Variants in NAALADL2 observed in about 807,000 individuals in gnomAD.
NAALADL2 encodes N-acetylated alpha-linked acidic dipeptidase like 2.
Under a neutral mutation model 87.2 loss-of-function variants are expected in NAALADL2, and 76 were observed. The observed-to-expected ratio is 0.87, with a 90% CI of 0.72 to 1.05. The LOEUF is 1.05. Among genes scored for constraint, NAALADL2 ranks in the 50% least tolerant of loss-of-function variants. The pLI is 0.00. For missense variants in NAALADL2, 1,089 were observed against 945.8 expected, an observed-to-expected ratio of 1.15 and a Z score of -1.99; for synonymous variants, 354 against 331.0, an observed-to-expected ratio of 1.07 and a Z score of -0.75.
intron 1 of NAALADL2, among the ~76,000 whole-genome samples, chr3:174,544,491 C>CAAAT (rs1381775638): frequency 2.6e-5 from 4 of 151,344 alleles, no homozygotes; most frequent in African/African-American, 9.7e-5. Context: ...TATTTGCTCC[C>CAAAT]AAATGTTCCA....
At chr3:175,119,200 TAATA>T (rs1353951884) in intron 2 of NAALADL2, among the ~76,000 whole-genome samples, 1 of 151,506 alleles carries the variant, frequency 6.6e-6, no homozygotes, top group Admixed American at 6.6e-5. Flanking sequence ...GGATGAGAAA[TAATA>T]AATAATAATA....
intron 2 of NAALADL2, among the ~76,000 whole-genome samples, chr3:174,686,659 T>G (rs1436992048): frequency 6.6e-6 from 1 of 152,086 alleles, no homozygotes; most frequent in Non-Finnish European, 1.5e-5. Context: ...CTATGTGATC[T>G]TCGACAAACT....
At chr3:174,523,639 C>T (rs933365492) in intron 1 of NAALADL2, 4 of 152,286 alleles carry the variant, frequency 2.6e-5, no homozygotes, top group Non-Finnish European at 5.9e-5. Flanking sequence ...TTAGTACTAC[C>T]TGGATGAATA....
intron 3 of NAALADL2, among the ~76,000 whole-genome samples, chr3:174,853,376 C>CAAAAAAA (rs55826352): frequency 2.4e-5 from 2 of 82,548 alleles, no homozygotes; most frequent in African/African-American, 4.7e-5. Context: ...GACTCAATCT[C>CAAAAAAA]AAAAAAAAAA....
chr3:175,470,690 G>T (rs1724733628), intron 8 of NAALADL2, among the ~76,000 whole-genome samples: 1 of 151,966 alleles, frequency 6.6e-6, no homozygotes, highest in South Asian at 2.1e-4. Context: ...AAAAAAAACA[G>T]GAAAATAGCA....
chr3:175,160,483 A>C (rs1161223295), intron 2 of NAALADL2, among the ~76,000 whole-genome samples: 1 of 144,766 alleles, frequency 6.9e-6, no homozygotes, highest in Admixed American at 7.3e-5. Flanking sequence ...CTCCTAAGTA[A>C]CTGGGATTAC....
At chr3:175,625,555 T>C (rs1296251832) in intron 10 of NAALADL2, among the ~76,000 whole-genome samples, 2 of 151,952 alleles carry the variant, frequency 1.3e-5, no homozygotes, top group Non-Finnish European at 2.9e-5. Context: ...AGTAGATAGA[T>C]GAAGGCTTGC....
chr3:175,733,428 C>T (rs1293651556), intron 11 of NAALADL2, among the ~76,000 whole-genome samples: 1 of 152,140 alleles, frequency 6.6e-6, no homozygotes. Context: ...GACCCATTCA[C>T]TATCACAAGA....
chr3:175,234,336 C>A (rs1169979513), intron 3 of NAALADL2, 132 bp downstream of exon 3: 1 of 977,550 alleles, frequency 1.0e-6, no homozygotes, highest in Non-Finnish European at 1.5e-6. Flanking sequence ...TGTGGAAGTG[C>A]CAGGAAAGAG....
intron 1 of NAALADL2, among the ~76,000 whole-genome samples, chr3:174,483,781 A>G (rs1376960685): frequency 6.6e-6 from 1 of 152,068 alleles, no homozygotes; most frequent in Admixed American, 6.6e-5. Flanking sequence ...TGAGCAAAAA[A>G]TACATGAAAA....
At position 175,699,630 on chromosome 3, in the gene NAALADL2, A is replaced by G. The variant is rs147772649; in HGVS notation, c.1897-37676A>G. Among the ~76,000 whole-genome samples, 1,228 of 152,196 alleles carry G rather than the reference A, an allele frequency of 8.1e-3. 14 individuals carry two copies. The highest frequency in any genetic ancestry group is 0.028 in the African/African-American group (1,149 of 41,546). On this transcript the variant is annotated intron_variant, in intron 11 of 13. Transcript: ENST00000454872. ...GTCTATCACAGATAAGATATATTGA[A>G]CAAGTATTAATTAAACACCCACTGT...
At chr3:175,790,588 T>C (rs1004149405) in intron 13 of NAALADL2, among the ~76,000 whole-genome samples, 2 of 152,232 alleles carry the variant, frequency 1.3e-5, no homozygotes, top group Admixed American at 1.3e-4. Context: ...ACAACACATA[T>C]GATGCAACGT....
chr3:175,701,739 C>T (rs1000976195), intron 11 of NAALADL2, among the ~76,000 whole-genome samples: 1 of 152,076 alleles, frequency 6.6e-6, no homozygotes, highest in South Asian at 2.1e-4. Context: ...CTTCCAAAGG[C>T]CAATTTTTAT....
At chr3:174,692,112 G>A (rs1398977345) in intron 2 of NAALADL2, 1 of 152,162 alleles carries the variant, frequency 6.6e-6, no homozygotes, top group African/African-American at 2.4e-5. Context: ...GGCGAATATT[G>A]TACAGAAAGT....
intron 2 of NAALADL2, among the ~76,000 whole-genome samples, chr3:174,576,161 C>T (rs1578209203): frequency 6.6e-6 from 1 of 152,214 alleles, no homozygotes; most frequent in East Asian, 1.9e-4. Context: ...CCGTGCCCAG[C>T]CTGGGTATAT....
chr3:174,849,934 C>T (rs1034638442), intron 3 of NAALADL2, among the ~76,000 whole-genome samples: 4 of 151,986 alleles, frequency 2.6e-5, no homozygotes, highest in Non-Finnish European at 5.9e-5. Flanking sequence ...GTATTTTACA[C>T]ACAACAATTA....
intron 1 of NAALADL2, among the ~76,000 whole-genome samples, chr3:174,944,242 G>A (rs368180020): frequency 3.9e-5 from 6 of 152,102 alleles, no homozygotes; most frequent in Non-Finnish European, 7.4e-5. Context: ...TAGAGACCCC[G>A]ATTAGGAGGT....
chr3:174,508,099 A>G (rs1358086669), intron 1 of NAALADL2, among the ~76,000 whole-genome samples: 1 of 115,452 alleles, frequency 8.7e-6, no homozygotes, highest in Non-Finnish European at 1.9e-5. Flanking sequence ...AATTTTAGCT[A>G]TTGGATATCT....
chr3:175,386,746 T>G (rs1193689921), intron 5 of NAALADL2, among the ~76,000 whole-genome samples: 1 of 152,116 alleles, frequency 6.6e-6, no homozygotes, highest in Non-Finnish European at 1.5e-5. Flanking sequence ...CTGTTCTGCC[T>G]GAGATGTGAG....
Sources: allele counts gnomAD v4.1 joint callset (sites outside exome capture counted in the v4.1 genomes callset), GRCh38; gene constraint gnomAD v4.1.1; transcripts MANE v1.5; gene names NCBI Gene and HGNC (gene_info 2026-07-23, HGNC 2026-07-21).